PPCS: variants seen among roughly 807,000 people sequenced by gnomAD.
PPCS encodes the protein phosphopantothenoylcysteine synthetase.
PPCS carries 17 observed loss-of-function variants against 24.6 expected under a neutral mutation model. That is an observed-to-expected ratio of 0.69 (90% confidence interval 0.47 to 1.04). PPCS has a LOEUF of 1.04. PPCS is among the 50% of genes least tolerant of loss of function. PPCS has a pLI of 0.00. For missense variants in PPCS, 360 were observed against 402.8 expected (o/e 0.89, Z 0.91); for synonymous variants, 190 against 168.3 (o/e 1.13, Z -1.00).
intron 2 of PPCS, among the ~76,000 whole-genome samples, chr1:42,471,858 C>G (rs902705574): frequency 1.0e-4 from 15 of 150,358 alleles, no homozygotes; most frequent in African/African-American, 3.7e-4. Flanking sequence ...ACTTAGCAAT[C>G]AAGGAGAAAA....
Position 42,460,189 on chromosome 1 carries a change from T to C in PPCS, c.*263T>C. On this transcript the variant is annotated 3_prime_UTR_variant, in exon 3 of 3. Coordinates refer to ENST00000372561, the MANE Select transcript of PPCS (RefSeq NM_024664.4). ...AATTATATATTCCTTAAAATATACA[T>C]GGGGGCCTGAATGTCAGCCATCTTT... 1 of 1,155,320 alleles carries C rather than the reference T, an allele frequency of 8.7e-7. No homozygotes were observed. Among genetic ancestry groups the C allele is most frequent in the Non-Finnish European group, 1.1e-6 (1 of 937,530 alleles). The allele number at this position is 1,155,320 out of a possible 1,614,324, so 71.6% of individuals were successfully genotyped here.
downstream of PPCS, among the ~76,000 whole-genome samples, chr1:42,462,492 G>C (rs541859572): frequency 1.2e-4 from 18 of 152,110 alleles, no homozygotes; most frequent in Non-Finnish European, 2.2e-4. Context: ...AAATACGTCC[G>C]GATAATGCAT....
rs746304059 is a variant in PPCS, at chr1:42,456,897, C to T, written c.332C>T (p.Ala111Val). ...WLSALRPSGP[A>V]LSGLLSLEAE... ...TCCGCTCTGCGGCCTTCGGGCCCAGCCCTTTCGGGCTTGCTGAGCCTGGAG... is the reference window on the plus strand; with the variant it reads ...TCCGCTCTGCGGCCTTCGGGCCCAGTCCTTTCGGGCTTGCTGAGCCTGGAG... Residue 111 changes from alanine (A) to valine (V), a missense_variant, in exon 1 of 3, where the codon GCC becomes GTC. Physicochemically the swap from Ala to Val is moderately conservative, Grantham distance 64. Transcript: ENST00000372561. The T allele has an allele frequency of 1.9e-6, 3 of 1,612,074 alleles. No individual in the cohort carries two copies. The highest frequency in any genetic ancestry group is 2.5e-6 in the Non-Finnish European group (3 of 1,179,892).
At chr1:42,472,462 T>C (rs1481154446) in intron 2 of PPCS, among the ~76,000 whole-genome samples, 1 of 152,170 alleles carries the variant, frequency 6.6e-6, no homozygotes, top group Non-Finnish European at 1.5e-5. Context: ...TAAGACATAT[T>C]CTGTGAGTAA....
chr1:42,467,156 G>T (rs1643616786), intron 2 of PPCS, among the ~76,000 whole-genome samples: 1 of 152,188 alleles, frequency 6.6e-6, no homozygotes, highest in African/African-American at 2.4e-5. Flanking sequence ...GAGAGACTGG[G>T]AGGAACCAGA....
In PPCS at chr1:42,459,422, A is replaced by G. The variant is rs148157451; in HGVS notation, c.613-181A>G. 2.8e-4 allele frequency: 173 copies of G among 623,604 alleles called. No individual in the cohort carries two copies. Among genetic ancestry groups the G allele is most frequent in the African/African-American group, 2.7e-3 (148 of 54,476 alleles). The allele number at this position is 623,604 out of a possible 1,614,324, so 38.6% of individuals were successfully genotyped here. ...GCGATCCACCCATCCTGGCCTTCCAAAGTGCTGGGATTACAGGCCAAGCCA... is the reference window on the plus strand; with the variant it reads ...GCGATCCACCCATCCTGGCCTTCCAGAGTGCTGGGATTACAGGCCAAGCCA... On this transcript the variant is annotated intron_variant, in intron 2 of 2. Coordinates refer to ENST00000372561, the MANE Select transcript of PPCS (RefSeq NM_024664.4).
At chr1:42,470,261 G>C (rs1643725308) in intron 2 of PPCS, among the ~76,000 whole-genome samples, 1 of 150,074 alleles carries the variant, frequency 6.7e-6, no homozygotes, top group Admixed American at 6.7e-5. Flanking sequence ...TAGTTTAAGA[G>C]AGCAACTGCT....
At chr1:42,458,976 A>G (rs1643322561) in intron 2 of PPCS, among the ~76,000 whole-genome samples, 3 of 152,196 alleles carry the variant, frequency 2.0e-5, no homozygotes, top group Admixed American at 2.0e-4. Flanking sequence ...GTATGAACAG[A>G]TTATTTGTAT....
intron 2 of PPCS, among the ~76,000 whole-genome samples, chr1:42,458,526 TG>T (rs893019600): frequency 3.0e-4 from 46 of 152,344 alleles, no homozygotes; most frequent in African/African-American, 1.1e-3. Flanking sequence ...CCTGCCTTTG[TG>T]TTGCTTCCTC....
chr1:42,458,637 A>G (rs1314728571), intron 2 of PPCS, among the ~76,000 whole-genome samples: 5 of 152,254 alleles, frequency 3.3e-5, no homozygotes, highest in East Asian at 3.8e-4. Flanking sequence ...TATGATCCCT[A>G]TCACACTAAC....
At chr1:42,471,907 G>A (rs1185255064) in intron 2 of PPCS, among the ~76,000 whole-genome samples, 2 of 152,158 alleles carry the variant, frequency 1.3e-5, no homozygotes, top group African/African-American at 4.8e-5. Flanking sequence ...AAGCAAAATA[G>A]TATATTTATG....
intron 2 of PPCS, 45 bp from the exon 3 acceptor site, chr1:42,459,558 T>C: frequency 6.7e-7 from 1 of 1,498,742 alleles, no homozygotes; most frequent in African/African-American, 1.4e-5. Flanking sequence ...ACCTGGTAGG[T>C]AATGACCATT....
rs1643371567 is a variant in PPCS at position 42,460,138 on chromosome 1, A to G, written c.*212A>G. On this transcript the variant is annotated 3_prime_UTR_variant, in exon 3 of 3. Coordinates refer to ENST00000372561, the MANE Select transcript of PPCS (RefSeq NM_024664.4). ...AAATTGAACACTAGAACTGTTAATC[A>G]CCTTTAAAAAGAAGAGCTTATTGGG... 2.4e-5 allele frequency: 31 copies of G among 1,291,142 alleles called. No individual in the cohort carries two copies. Among genetic ancestry groups the G allele is most frequent in the Admixed American group, 3.7e-5 (1 of 27,380 alleles). The allele number at this position is 1,291,142 out of a possible 1,614,324, so 80.0% of individuals were successfully genotyped here.
intron 2 of PPCS, among the ~76,000 whole-genome samples, chr1:42,458,830 C>T (rs1308392075): frequency 6.6e-6 from 1 of 152,178 alleles, no homozygotes; most frequent in African/African-American, 2.4e-5. Context: ...AAAATAAAAT[C>T]AGTTTCCTCA....
rs1406844928 is a variant in PPCS, at chr1:42,456,928, G to A, written c.363G>A (p.Glu121=). 2 of 1,608,786 alleles carry A rather than the reference G, an allele frequency of 1.2e-6. No individual in the cohort carries two copies. Among genetic ancestry groups the A allele is most frequent in the African/African-American group, 1.3e-5 (1 of 74,962 alleles). Reference sequence around the variant, plus strand: ...CGGGCTTGCTGAGCCTGGAGGCCGAGGAGAATGCACTTCCGGGTTTTGCTG... The same window carrying A: ...CGGGCTTGCTGAGCCTGGAGGCCGAAGAGAATGCACTTCCGGGTTTTGCTG... The part of the protein sequence containing the change: ...ALSGLLSLEA[E]ENALPGFAEA... The change falls in exon 1 of 3, where the codon GAG becomes GAA. Residue 121 remains glutamate, a synonymous_variant. Coordinates refer to ENST00000372561, the MANE Select transcript of PPCS (RefSeq NM_024664.4).
At position 42,457,327 on chromosome 1, in the gene PPCS, C is replaced by A; in HGVS notation, c.589C>A (p.Gln197Lys). 1.2e-6 allele frequency: 2 copies of A among 1,614,176 alleles called. No individual in the cohort carries two copies. Among genetic ancestry groups the A allele is most frequent in the Non-Finnish European group, 1.7e-6 (2 of 1,180,012 alleles). ...CTCTGAAATGCCTGAACACAAGATC[C>A]AGTCATCTGGGGGCCCACTGCAGGT... ...PVSEMPEHKI[Q>K]SSGGPLQITM... Residue 197 changes from glutamine to lysine, a missense_variant, in exon 2 of 3, where the codon CAG (glutamine) becomes AAG (lysine). Gln to Lys is a moderately conservative substitution (Grantham distance 53). This residue lies in a region of PPCS where 116 missense variants were observed against 168.1 expected (regional missense o/e 0.69). Transcript: ENST00000372561.
intron 2 of PPCS, among the ~76,000 whole-genome samples, chr1:42,472,966 G>C (rs188272839): frequency 6.5e-4 from 99 of 152,262 alleles, no homozygotes; most frequent in African/African-American, 2.1e-3. Flanking sequence ...ACATAAGTGT[G>C]ATGAAGGTTC....
chr1:42,457,006 A>AGAGTTCG lies in PPCS; in HGVS notation c.447_448insGGAGTTC (p.Thr150GlyfsTer43), dbSNP rs756519921. Reference sequence around the variant, plus strand: ...CGGCTGCAGGCACCTTCCTGGCAGTAGAGTTCACCACTTTGGCGGACTATT... The same window carrying AGAGTTCG: ...CGGCTGCAGGCACCTTCCTGGCAGTAGAGTTCGGAGTTCACCACTTTGGCGGACTATT... On this transcript the variant is annotated frameshift_variant, in exon 1 of 3. Coordinates refer to ENST00000372561, the MANE Select transcript of PPCS (RefSeq NM_024664.4). LOFTEE classifies it high-confidence loss of function. 6.2e-7 allele frequency: 1 copy of AGAGTTCG among 1,602,144 alleles called. No homozygotes were observed. Among genetic ancestry groups the AGAGTTCG allele is most frequent in the Non-Finnish European group, 8.5e-7 (1 of 1,179,922 alleles).
chr1:42,456,826 C>G lies in PPCS; in HGVS notation c.261C>G (p.Arg87=). The G allele has an allele frequency of 6.2e-7, 1 of 1,613,498 alleles. No individual in the cohort carries two copies. The highest frequency in any genetic ancestry group is 1.1e-5 in the South Asian group (1 of 91,090). The change falls in exon 1 of 3, where the codon CGC becomes CGG. Residue 87 remains arginine, a synonymous_variant. Transcript: ENST00000372561. ...GYGVLFLYRA[R]SAFPYAHRFP... is the part of the protein sequence containing the mutation. The stretch of plus-strand genomic sequence containing the variant: ...GGGTCCTGTTCTTGTATCGCGCTCG[C>G]TCTGCCTTCCCCTATGCCCACCGCT...
Sources: gnomAD v4.1 joint callset for allele counts (sites outside exome capture counted in the v4.1 genomes callset) on GRCh38, gnomAD v4.1.1 for gene constraint, gnomAD v4.1.1 regional missense constraint, MANE v1.5 for transcripts, NCBI Gene and HGNC (gene_info 2026-07-23, HGNC 2026-07-21) for gene names.